Variants in RALGPS2 observed in about 807,000 individuals in gnomAD.
The protein encoded by RALGPS2 is Ral GEF with PH domain and SH3 binding motif 2.
In RALGPS2, 43 loss-of-function variants were observed where a neutral mutation model predicts 86.8. The ratio of observed to expected loss-of-function variants is 0.50; its 90% CI spans 0.39 to 0.64. The LOEUF is 0.64. Ranked by LOEUF, RALGPS2 falls within the 30% of genes least tolerant of loss-of-function variation. The pLI is 0.00. For synonymous variants in RALGPS2, 243 were observed against 231.3 expected (o/e 1.05, Z -0.46); for missense variants, 536 against 694.6 (o/e 0.77, Z 2.57).
intron 7 of RALGPS2, among the ~76,000 whole-genome samples, chr1:178,833,129 A>C (rs912620697): frequency 1.3e-5 from 2 of 152,076 alleles, no homozygotes; most frequent in Admixed American, 1.3e-4. Context: ...ATTTTCTAAA[A>C]TTAGGAAGGT....
At chr1:178,898,418 T>A (rs918975009) in intron 17 of RALGPS2, among the ~76,000 whole-genome samples, 1 of 151,992 alleles carries the variant, frequency 6.6e-6, no homozygotes, top group African/African-American at 2.4e-5. Flanking sequence ...CTTTTTCTAC[T>A]TAAAACTTAA....
At chr1:178,840,319 A>G (rs1656528025) in intron 8 of RALGPS2, among the ~76,000 whole-genome samples, 1 of 152,248 alleles carries the variant, frequency 6.6e-6, no homozygotes, top group African/African-American at 2.4e-5. Context: ...CCACAGTGCA[A>G]TCAAACTAGA....
intron 10 of RALGPS2, among the ~76,000 whole-genome samples, chr1:178,882,326 CT>C (rs1659291213): frequency 6.6e-6 from 1 of 152,196 alleles, no homozygotes; most frequent in Admixed American, 6.5e-5. Context: ...AATACCGTGT[CT>C]GCCGTAATCT....
chr1:178,913,080 G>A (rs1175467647), intron 19 of RALGPS2, among the ~76,000 whole-genome samples: 3 of 151,958 alleles, frequency 2.0e-5, no homozygotes, highest in East Asian at 1.9e-4. Flanking sequence ...TCAGGAGTTC[G>A]GGACCAGCCC....
At chr1:178,866,890 A>G (rs1374584207) in intron 8 of RALGPS2, among the ~76,000 whole-genome samples, 5 of 152,184 alleles carry the variant, frequency 3.3e-5, no homozygotes, top group Admixed American at 3.3e-4. Context: ...TTCAAGAGCC[A>G]AGACTTTTTC....
At chr1:178,900,796 A>G (rs1240342604) in intron 17 of RALGPS2, among the ~76,000 whole-genome samples, 1 of 152,008 alleles carries the variant, frequency 6.6e-6, no homozygotes, top group Non-Finnish European at 1.5e-5. Flanking sequence ...TGTCACCTCA[A>G]GTGATGATTA....
chr1:178,744,732 A>G (rs2102029005), intron 1 of RALGPS2, among the ~76,000 whole-genome samples: 1 of 150,324 alleles, frequency 6.7e-6, no homozygotes, highest in East Asian at 2.0e-4. Flanking sequence ...CAGGAGGATC[A>G]CTTGAAACTG....
chr1:178,792,209 C>T (rs1653988865), intron 4 of RALGPS2, among the ~76,000 whole-genome samples: 1 of 152,152 alleles, frequency 6.6e-6, no homozygotes, highest in Admixed American at 6.6e-5. Flanking sequence ...CACCATTAAA[C>T]TTCACCAGTC....
At chr1:178,836,290 GT>G (rs929608301) in intron 8 of RALGPS2, among the ~76,000 whole-genome samples, 1 of 152,202 alleles carries the variant, frequency 6.6e-6, no homozygotes, top group African/African-American at 2.4e-5. Flanking sequence ...TGCGGAAAAT[GT>G]TGAGGTACAG....
At chr1:178,909,684 T>C (rs113876564) in intron 19 of RALGPS2, among the ~76,000 whole-genome samples, 1 of 138,702 alleles carries the variant, frequency 7.2e-6, no homozygotes, top group Admixed American at 7.5e-5. Context: ...GGAGTCTTGC[T>C]CTGTCTTCAG....
rs191717879 is a variant in RALGPS2 at position 178,897,005 on chromosome 1, T to A, written c.1432-659T>A. On this transcript the variant is annotated intron_variant, in intron 16 of 19. Transcript: ENST00000367635. ...AATGGGATGGCTGGGTCAAATGGTATTTCCAGTTCTAGATCCCTGAGGAAT... is the reference window on the plus strand; with the variant it reads ...AATGGGATGGCTGGGTCAAATGGTAATTCCAGTTCTAGATCCCTGAGGAAT... 7.8e-3 allele frequency among the ~76,000 whole-genome samples: 1,192 copies of A among 152,062 alleles called. 9 individuals are homozygous for A. The highest frequency in any genetic ancestry group is 0.01 in the Non-Finnish European group (686 of 67,974).
At position 178,847,220 on chromosome 1, in the gene RALGPS2, C is replaced by T. The variant is rs554097521; in HGVS notation, c.607+13670C>T. ...CAGCACTTTGGGAGGCCAAAGCAGG[C>T]GGATCACCTGAGGTCAGGAGTTCGA... On this transcript the variant is annotated intron_variant, in intron 8 of 19. Coordinates refer to ENST00000367635, the MANE Select transcript of RALGPS2 (RefSeq NM_152663.5). 3.9e-5 allele frequency among the ~76,000 whole-genome samples: 6 copies of T among 152,168 alleles called. No homozygotes were observed. In the South Asian group the frequency reaches 6.2e-4, roughly 16 times the overall value.
At chr1:178,874,661 A>G (rs1412925120) in intron 8 of RALGPS2, among the ~76,000 whole-genome samples, 1 of 152,222 alleles carries the variant, frequency 6.6e-6, no homozygotes, top group Non-Finnish European at 1.5e-5. Context: ...TGATGTACAT[A>G]TGCCAACATC....
chr1:178,758,112 T>A (rs1305774262), intron 1 of RALGPS2, among the ~76,000 whole-genome samples: 1 of 152,162 alleles, frequency 6.6e-6, no homozygotes, highest in Non-Finnish European at 1.5e-5. Flanking sequence ...TGTTTTGTAT[T>A]TCTGTGGAAT....
intron 1 of RALGPS2, among the ~76,000 whole-genome samples, chr1:178,730,130 C>T (rs140180597): frequency 1.9e-3 from 282 of 152,076 alleles, no homozygotes; most frequent in African/African-American, 6.3e-3. Flanking sequence ...GTAGTAGAGA[C>T]GGGTTTTCAC....
At chr1:178,849,219 C>T (rs942974385) in intron 8 of RALGPS2, among the ~76,000 whole-genome samples, 4 of 152,120 alleles carry the variant, frequency 2.6e-5, no homozygotes, top group African/African-American at 9.7e-5. Flanking sequence ...TAGAGCTGGG[C>T]CACAGACCCA....
chr1:178,773,928 A>G (rs1409893788), intron 1 of RALGPS2, among the ~76,000 whole-genome samples: 1 of 152,202 alleles, frequency 6.6e-6, no homozygotes, highest in South Asian at 2.1e-4. Context: ...CATGAAATAC[A>G]TGGGTGACAA....
chr1:178,818,030 T>A (rs1033217051), intron 6 of RALGPS2, among the ~76,000 whole-genome samples: 1 of 152,158 alleles, frequency 6.6e-6, no homozygotes, highest in Non-Finnish European at 1.5e-5. Context: ...CCCAGGGTGG[T>A]TAAGCCCAAT....
chr1:178,734,379 A>G (rs570527651), intron 1 of RALGPS2, among the ~76,000 whole-genome samples: 10 of 152,354 alleles, frequency 6.6e-5, no homozygotes, highest in African/African-American at 9.6e-5. Flanking sequence ...TAGAAAACAG[A>G]TAAGTGGCTT....
Sources: allele counts gnomAD v4.1 joint callset (sites outside exome capture counted in the v4.1 genomes callset), GRCh38; gene constraint gnomAD v4.1.1; transcripts MANE v1.5; gene names NCBI Gene and HGNC (gene_info 2026-07-23, HGNC 2026-07-21).